SLC4A8: variants seen among roughly 807,000 people sequenced by gnomAD.
The protein encoded by SLC4A8 is electroneutral sodium bicarbonate exchanger 1.
SLC4A8 carries 40 observed loss-of-function variants against 125.0 expected under a neutral mutation model. The observed-to-expected ratio is 0.32, with a 90% CI of 0.25 to 0.42. The LOEUF (loss-of-function observed/expected upper bound fraction) is 0.42, where lower values mean the gene tolerates loss of function less well. SLC4A8 is among the 10% of genes least tolerant of loss of function. SLC4A8 has a pLI of 1.00. For synonymous variants in SLC4A8, 456 were observed against 476.0 expected (o/e 0.96, Z 0.55); for missense variants, 863 against 1,355.1 (o/e 0.64, Z 5.70).
chr12:51,500,541 GATGT>G (rs1336186087), intron 22 of SLC4A8, among the ~76,000 whole-genome samples: 11 of 151,950 alleles, frequency 7.2e-5, no homozygotes, highest in Non-Finnish European at 1.0e-4. Flanking sequence ...TTTTTAAATG[GATGT>G]ATAATGTTCT....
chr12:51,447,068 G>GTCTATCTATCTATCTA (rs71089801), intron 2 of SLC4A8, among the ~76,000 whole-genome samples: 5 of 149,394 alleles, frequency 3.3e-5, no homozygotes, highest in Admixed American at 1.3e-4. Context: ...CTATCTATCT[G>GTCTATCTATCTATCTA]TCTATCTATC....
intron 16 of SLC4A8, among the ~76,000 whole-genome samples, chr12:51,481,362 A>G (rs1951021501): frequency 6.6e-6 from 1 of 152,216 alleles, no homozygotes; most frequent in African/African-American, 2.4e-5. Flanking sequence ...AAATCTATTT[A>G]AAACACCCTC....
chr12:51,463,508 C>T (rs1480168696), intron 10 of SLC4A8, 106 bp from the exon 11 acceptor site: 18 of 718,700 alleles, frequency 2.5e-5, no homozygotes, highest in Admixed American at 9.5e-5. Flanking sequence ...GCTACAAACA[C>T]GGGCATTTTT....
In SLC4A8 at chr12:51,457,424, T is replaced by G. The variant is rs773800724; in HGVS notation, c.648T>G (p.Leu216=). ...DSMRVKVREA[L]LKKHHHQNEK... Reference sequence around the variant, plus strand: ...TGAGGGTTAAAGTGCGGGAAGCCCTTCTCAAAAAGCATCATCATCAGAATG... The same window carrying G: ...TGAGGGTTAAAGTGCGGGAAGCCCTGCTCAAAAAGCATCATCATCAGAATG... Residue 216 remains leucine, a synonymous_variant, in exon 6 of 25, where the codon CTT becomes CTG. Coordinates refer to ENST00000453097, the MANE Select transcript of SLC4A8 (RefSeq NM_001039960.3). The G allele has an allele frequency of 6.2e-6, 10 of 1,614,086 alleles. No individual in the cohort carries two copies. In the Admixed American group the frequency reaches 1.3e-4, roughly 22 times the overall value.
intron 2 of SLC4A8, among the ~76,000 whole-genome samples, chr12:51,447,667 AT>A (rs1256017376): frequency 1.1e-4 from 16 of 146,330 alleles, no homozygotes; most frequent in Admixed American, 2.7e-4. Flanking sequence ...ATCTCTAGAT[AT>A]TTCCCCCCCA....
At chr12:51,491,822 C>G (rs1565818640) in intron 19 of SLC4A8, among the ~76,000 whole-genome samples, 1 of 151,848 alleles carries the variant, frequency 6.6e-6, no homozygotes, top group Non-Finnish European at 1.5e-5. Context: ...TCCACAATCT[C>G]AAAAATCTTC....
intron 11 of SLC4A8, among the ~76,000 whole-genome samples, chr12:51,465,182 A>G (rs904370802): frequency 6.6e-6 from 1 of 152,182 alleles, no homozygotes. Context: ...AATTTTTTTC[A>G]GGAAAAGGTT....
rs1371655642 is a variant in SLC4A8, at chr12:51,509,700, T to A, written c.*2262T>A. The A allele has an allele frequency of 6.6e-6, 1 of 152,280 alleles. No homozygotes were observed. The highest frequency in any genetic ancestry group is 1.9e-4 in the East Asian group (1 of 5,204). 9.4% of individuals were successfully genotyped at this position (152,280 alleles called of 1,614,324 possible). A position where few individuals can be genotyped will look rare whatever the true frequency, so the allele number is the denominator to read the frequency against. On this transcript the variant is annotated 3_prime_UTR_variant, in exon 25 of 25. Coordinates refer to ENST00000453097, the MANE Select transcript of SLC4A8 (RefSeq NM_001039960.3). Reference sequence around the variant, plus strand: ...TAACACACGGATGTCTTGTGCTGCCTTGACCGCTTGAGGGGAGGAGCCTTC... The same window carrying A: ...TAACACACGGATGTCTTGTGCTGCCATGACCGCTTGAGGGGAGGAGCCTTC...
At chr12:51,427,105 A>AT (rs1373862475) in intron 1 of SLC4A8, among the ~76,000 whole-genome samples, 1 of 151,616 alleles carries the variant, frequency 6.6e-6, no homozygotes, top group Non-Finnish European at 1.5e-5. Context: ...CGCCCGGCTA[A>AT]TTTTTTGTAT....
rs1938421883 is a variant in SLC4A8, at chr12:51,513,101, T to C, written c.*5663T>C. The C allele has an allele frequency of 6.6e-6, 1 of 152,180 alleles. No homozygotes were observed. Among genetic ancestry groups the C allele is most frequent in the Non-Finnish European group, 1.5e-5 (1 of 68,044 alleles). The allele number at this position is 152,180 out of a possible 1,614,324, so 9.4% of individuals were successfully genotyped here. A position where few individuals can be genotyped will look rare whatever the true frequency, so the allele number is the denominator to read the frequency against. On this transcript the variant is annotated 3_prime_UTR_variant, in exon 25 of 25. Coordinates refer to ENST00000453097, the MANE Select transcript of SLC4A8 (RefSeq NM_001039960.3). Reference sequence around the variant, plus strand: ...AAATGATGGTGGGTGGGATCTTAGCTCTAAATGAAAAGAACTGGACTTACT... The same window carrying C: ...AAATGATGGTGGGTGGGATCTTAGCCCTAAATGAAAAGAACTGGACTTACT...
intron 1 of SLC4A8, among the ~76,000 whole-genome samples, chr12:51,437,816 G>C (rs571728111): frequency 1.3e-5 from 2 of 152,294 alleles, no homozygotes; most frequent in East Asian, 3.9e-4. Context: ...AGACATAAAG[G>C]TGGGAATGTG....
rs1948300560 is a variant in SLC4A8 at position 51,398,100 on chromosome 12, A to G, written c.-112+6612A>G. Among the ~76,000 whole-genome samples, 6 of 152,184 alleles carry G rather than the reference A, an allele frequency of 3.9e-5. No individual in the cohort carries two copies. In the South Asian group the frequency reaches 1.2e-3, roughly 32 times the overall value. ...GAGTATCCTTATTTTTACAAGTGAG[A>G]ATTTTATAAGCACAGCAGTTCCCTG... is the stretch of plus-strand genomic sequence containing the variant. On this transcript the variant is annotated intron_variant, in intron 1 of 24. Coordinates refer to the SLC4A8 transcript ENST00000358657.
rs200221559 is a variant in SLC4A8, at chr12:51,501,316, G to A, written c.3082-2713G>A. On this transcript the variant is annotated intron_variant, in intron 22 of 24. Transcript: ENST00000453097. ...TTTTCCAACCCTTCCCCTGTCTTCC[G>A]CCTTTTGGAGTCCCCAGTGTTTTTT... Among the ~76,000 whole-genome samples the A allele has an allele frequency of 1.2e-4, 19 of 152,198 alleles. No homozygotes were observed. The East Asian group carries it at 2.3e-3, about 19-fold the overall frequency.
At chr12:51,411,054 T>G (rs936754864) in intron 1 of SLC4A8, among the ~76,000 whole-genome samples, 3 of 149,606 alleles carry the variant, frequency 2.0e-5, no homozygotes, top group Non-Finnish European at 3.0e-5. Context: ...TGTTTTTTTT[T>G]TTTTTTTTTT....
intron 3 of SLC4A8, 116 bp downstream of exon 3, chr12:51,451,138 TCCAAAG>T: frequency 1.1e-6 from 1 of 927,700 alleles, no homozygotes; most frequent in Non-Finnish European, 1.5e-6. Context: ...TTGTAGGATT[TCCAAAG>T]CTTGCTTCTA....
chr12:51,445,892 C>A (rs1273450138), intron 2 of SLC4A8, among the ~76,000 whole-genome samples: 1 of 152,038 alleles, frequency 6.6e-6, no homozygotes. Context: ...AGACTTTGTT[C>A]TGTTCACTAT....
intron 3 of SLC4A8, 110 bp from the exon 4 acceptor site, chr12:51,452,014 G>T: frequency 7.2e-6 from 7 of 968,316 alleles, no homozygotes; most frequent in Admixed American, 4.4e-5. Context: ...TTTTTCTTCT[G>T]CATTCGTGGT....
intron 2 of SLC4A8, among the ~76,000 whole-genome samples, chr12:51,442,318 CCT>C (rs1949626645): frequency 6.6e-6 from 1 of 152,142 alleles, no homozygotes; most frequent in Admixed American, 6.5e-5. Context: ...GTCTCTCTAC[CCT>C]CTCATTGCAT....
rs187677982 is a variant in SLC4A8, at chr12:51,505,380, G to A, written c.3174-455G>A. On this transcript the variant is annotated intron_variant, in intron 23 of 24. Coordinates refer to ENST00000453097, the MANE Select transcript of SLC4A8 (RefSeq NM_001039960.3). Reference sequence around the variant, plus strand: ...AATGAGGATGTTAATAATCTCTGTTGCTATGATAGTTAAGATACTAGGAAA... The same window carrying A: ...AATGAGGATGTTAATAATCTCTGTTACTATGATAGTTAAGATACTAGGAAA... Among the ~76,000 whole-genome samples the A allele has an allele frequency of 5.9e-5, 9 of 152,318 alleles. No homozygotes were observed. In the East Asian group the frequency reaches 1.5e-3, roughly 26 times the overall value.
Sources: gnomAD v4.1 joint callset for allele counts (sites outside exome capture counted in the v4.1 genomes callset) on GRCh38, gnomAD v4.1.1 for gene constraint, MANE v1.5 for transcripts, NCBI Gene and HGNC (gene_info 2026-07-23, HGNC 2026-07-21) for gene names.